Variants in MCU observed in about 807,000 individuals in gnomAD.
The protein encoded by MCU is mitochondrial calcium uniporter.
MCU carries 12 observed loss-of-function variants against 45.2 expected under a neutral mutation model. The ratio of observed to expected loss-of-function variants is 0.27; its 90% CI spans 0.17 to 0.43. MCU has a LOEUF of 0.43. Ranked by LOEUF, MCU falls within the 20% of genes least tolerant of loss-of-function variation. The probability of loss-of-function intolerance (pLI) is 1.00; values close to 1 mark genes in which losing one functional copy is unlikely to be tolerated. For synonymous variants in MCU, 160 were observed against 165.1 expected, an observed-to-expected ratio of 0.97 and a Z score of 0.24; for missense variants, 324 against 436.7, an observed-to-expected ratio of 0.74 and a Z score of 2.30.
At chr10:72,869,313 G>A (rs995497442) in intron 5 of MCU, among the ~76,000 whole-genome samples, 1 of 152,224 alleles carries the variant, frequency 6.6e-6, no homozygotes, top group Non-Finnish European at 1.5e-5. Context: ...GGCTGGGCGT[G>A]GTGGCTCACG....
rs145202642 is a variant in MCU, at chr10:72,800,263, G to T, written c.151-34096G>T. On this transcript the variant is annotated intron_variant, in intron 1 of 7. Transcript: ENST00000373053. ...TAGTTGAAACCTTTTGCTTTCTGAT[G>T]GTTCAGTGTATAGACTTTGTTTCCT... is the stretch of plus-strand genomic sequence containing the variant. Among the ~76,000 whole-genome samples the T allele has an allele frequency of 2.6e-5, 4 of 152,206 alleles. No individual in the cohort carries two copies. The East Asian group carries it at 5.8e-4, about 22-fold the overall frequency.
intron 1 of MCU, among the ~76,000 whole-genome samples, chr10:72,823,537 T>C (rs1341069470): frequency 6.6e-6 from 1 of 152,226 alleles, no homozygotes; most frequent in African/African-American, 2.4e-5. Flanking sequence ...TCATCTTAAC[T>C]CTCTTATTTG....
At chr10:72,752,471 A>G (rs994118485) in intron 1 of MCU, among the ~76,000 whole-genome samples, 1 of 152,220 alleles carries the variant, frequency 6.6e-6, no homozygotes, top group African/African-American at 2.4e-5. Flanking sequence ...TGCTAAGAAC[A>G]TATAGGCATT....
chr10:72,764,639 T>C (rs1161519639), intron 1 of MCU, among the ~76,000 whole-genome samples: 1 of 152,176 alleles, frequency 6.6e-6, no homozygotes, highest in Non-Finnish European at 1.5e-5. Context: ...TAGGGAAGAA[T>C]TACAATTTGG....
At chr10:72,848,262 G>T (rs1845152250) in intron 2 of MCU, among the ~76,000 whole-genome samples, 1 of 152,102 alleles carries the variant, frequency 6.6e-6, no homozygotes, top group Non-Finnish European at 1.5e-5. Context: ...TTTCTTTGCT[G>T]CTATATCAAT....
chr10:72,716,588 C>T (rs754996553), intron 1 of MCU, among the ~76,000 whole-genome samples: 1 of 151,932 alleles, frequency 6.6e-6, no homozygotes, highest in Non-Finnish European at 1.5e-5. Context: ...ATTGGATTCT[C>T]TAAAGGTTTT....
chr10:72,875,292 C>A (rs1845601081), intron 6 of MCU, among the ~76,000 whole-genome samples: 1 of 152,132 alleles, frequency 6.6e-6, no homozygotes, highest in South Asian at 2.1e-4. Flanking sequence ...ATAATTATTA[C>A]TTCTTACAAA....
intron 1 of MCU, 96 bp from the exon 2 acceptor site, chr10:72,834,263 T>C: frequency 1.3e-6 from 1 of 763,086 alleles, no homozygotes; most frequent in South Asian, 2.7e-5. Flanking sequence ...TGCATATTAC[T>C]TAAGTAATCA....
chr10:72,750,665 C>CT (rs1182409137), intron 1 of MCU, among the ~76,000 whole-genome samples: 14 of 152,056 alleles, frequency 9.2e-5, no homozygotes, highest in African/African-American at 3.1e-4. Flanking sequence ...TAAAATTGAC[C>CT]TTTTTTTGAT....
intron 1 of MCU, among the ~76,000 whole-genome samples, chr10:72,725,563 T>C (rs1455807805): frequency 6.6e-6 from 1 of 152,102 alleles, no homozygotes; most frequent in Non-Finnish European, 1.5e-5. Context: ...GTATGAGCCA[T>C]TGTGCCTGGC....
chr10:72,716,148 A>G (rs1842953274), intron 1 of MCU, among the ~76,000 whole-genome samples: 1 of 152,220 alleles, frequency 6.6e-6, no homozygotes, highest in Admixed American at 6.5e-5. Flanking sequence ...CACTATAAGG[A>G]CAGAGTTTAG....
chr10:72,730,331 C>T (rs1251366840), intron 1 of MCU, among the ~76,000 whole-genome samples: 2 of 123,466 alleles, frequency 1.6e-5, no homozygotes, highest in Admixed American at 9.7e-5. Flanking sequence ...TTTTTTGAGA[C>T]GGAGTCTCAC....
intron 1 of MCU, among the ~76,000 whole-genome samples, chr10:72,757,726 C>T (rs1843598922): frequency 6.6e-6 from 1 of 152,142 alleles, no homozygotes; most frequent in South Asian, 2.1e-4. Context: ...CTGTCCCCCT[C>T]CCCCATGAGA....
chr10:72,877,281 C>G (rs1022617259), intron 6 of MCU, among the ~76,000 whole-genome samples: 34 of 151,994 alleles, frequency 2.2e-4, no homozygotes, highest in African/African-American at 8.2e-4. Context: ...GATTGTTGCC[C>G]GAAAGAGGAA....
rs185611722 is a variant in MCU at position 72,885,912 on chromosome 10, G to C, written c.*90G>C. ...CAGGTGGAAGCTGGGAGCCATGTGG[G>C]GGGTAGAGCGTTTTTACCTTTAATT... On this transcript the variant is annotated 3_prime_UTR_variant, in exon 8 of 8. Transcript: ENST00000373053. 2.4e-5 allele frequency: 24 copies of C among 983,470 alleles called. No homozygotes were observed. Among genetic ancestry groups the C allele is most frequent in the Admixed American group, 6.2e-5 (3 of 48,314 alleles). The allele number at this position is 983,470 out of a possible 1,614,324, so 60.9% of individuals were successfully genotyped here. A position where few individuals can be genotyped will look rare whatever the true frequency, so the allele number is the denominator to read the frequency against.
At chr10:72,832,767 C>T (rs1844896997) in intron 1 of MCU, among the ~76,000 whole-genome samples, 1 of 152,110 alleles carries the variant, frequency 6.6e-6, no homozygotes, top group Admixed American at 6.5e-5. Context: ...GATGTTAGTA[C>T]CACTTTTTGC....
At chr10:72,782,211 G>C (rs972728439) in intron 1 of MCU, among the ~76,000 whole-genome samples, 1 of 152,178 alleles carries the variant, frequency 6.6e-6, no homozygotes, top group Non-Finnish European at 1.5e-5. Context: ...TGCTTATAGA[G>C]TTAGAGCGAT....
At chr10:72,877,390 T>C (rs750826949) in intron 6 of MCU, among the ~76,000 whole-genome samples, 1 of 152,188 alleles carries the variant, frequency 6.6e-6, no homozygotes, top group Non-Finnish European at 1.5e-5. Context: ...TGTAGAGGGC[T>C]TTCCCTCAAG....
intron 1 of MCU, among the ~76,000 whole-genome samples, chr10:72,807,619 C>T (rs151183419): frequency 1.4e-4 from 22 of 152,246 alleles, no homozygotes; most frequent in Non-Finnish European, 2.4e-4. Context: ...CCTCCTTTTA[C>T]TTCTTTCACC....
Sources: gnomAD v4.1 joint callset for allele counts (sites outside exome capture counted in the v4.1 genomes callset) on GRCh38, gnomAD v4.1.1 for gene constraint, MANE v1.5 for transcripts, NCBI Gene and HGNC (gene_info 2026-07-23, HGNC 2026-07-21) for gene names.